Variants in SLF1 observed in about 807,000 individuals in gnomAD.
SLF1 encodes SMC5-SMC6 complex localization factor protein 1.
A neutral mutation model predicts 123.0 loss-of-function variants in SLF1; 105 were observed. That is an observed-to-expected ratio of 0.85 (90% CI 0.73 to 1.00). SLF1 has a LOEUF of 1.00. Ranked by LOEUF, SLF1 falls within the 50% of genes least tolerant of loss-of-function variation. SLF1 has a pLI of 0.00. For missense variants in SLF1, 1,239 were observed against 1,223.0 expected (o/e 1.01, Z -0.20); for synonymous variants, 434 against 406.6 (o/e 1.07, Z -0.81).
chr5:94,680,729 C>G (rs1436723806), intron 15 of SLF1, among the ~76,000 whole-genome samples: 1 of 152,166 alleles, frequency 6.6e-6, no homozygotes, highest in African/African-American at 2.4e-5. Context: ...GATTCTACTA[C>G]CTGTTATACA....
At position 94,662,316 on chromosome 5, in the gene SLF1, A is replaced by C. The variant is rs574971813; in HGVS notation, c.1174A>C (p.Ile392Leu). The part of the protein sequence containing the change: ...YRAQAVRYNC[I>L]RIDKQPVYNV... ...TTTGTAGGCTGTCAGATACAACTGC[A>C]TTAGAATAGATAAACAACCAGTGTA... Residue 392 changes from isoleucine (I) to leucine (L), a missense_variant, in exon 10 of 21, where the codon ATT becomes CTT. Ile to Leu is a conservative substitution (Grantham distance 5, BLOSUM62 2). Transcript: ENST00000265140. 21 of 1,549,916 alleles carry C rather than the reference A, an allele frequency of 1.4e-5. No homozygotes were observed. The highest frequency in any genetic ancestry group is 1.8e-5 in the Non-Finnish European group (21 of 1,146,034).
At chr5:94,644,906 G>T (rs1343422338) in intron 5 of SLF1, among the ~76,000 whole-genome samples, 1 of 152,160 alleles carries the variant, frequency 6.6e-6, no homozygotes, top group Admixed American at 6.6e-5. Context: ...TGGCACATGG[G>T]TTCTCAATCA....
chr5:94,680,300 A>G (rs992183400), intron 15 of SLF1, among the ~76,000 whole-genome samples: 2 of 151,868 alleles, frequency 1.3e-5, no homozygotes, highest in Non-Finnish European at 2.9e-5. Flanking sequence ...TATCTCTTTT[A>G]TTTTTTTCTT....
chr5:94,659,426 T>TA (rs763885166), intron 9 of SLF1, among the ~76,000 whole-genome samples: 5 of 152,252 alleles, frequency 3.3e-5, no homozygotes, highest in Non-Finnish European at 5.9e-5. Context: ...CTTGCATAGT[T>TA]ATGTTGCTAT....
intron 1 of SLF1, among the ~76,000 whole-genome samples, chr5:94,623,003 A>G (rs1252157435): frequency 1.3e-5 from 2 of 152,040 alleles, no homozygotes. Flanking sequence ...TTTTGTATTC[A>G]TATCTGTATT....
At chr5:94,629,983 GA>G (rs376304516) in intron 3 of SLF1, among the ~76,000 whole-genome samples, 10 of 145,178 alleles carry the variant, frequency 6.9e-5, no homozygotes, top group African/African-American at 1.0e-4. Context: ...CATCTCTTAA[GA>G]AAAAAAAAAG....
chr5:94,678,723 C>G, intron 14 of SLF1, 85 bp from the exon 15 acceptor site: 1 of 1,220,298 alleles, frequency 8.2e-7, no homozygotes, highest in Non-Finnish European at 1.1e-6. Flanking sequence ...CTATGTTTTG[C>G]CCCTCAAAAA....
At chr5:94,654,015 C>CA (rs1281052045) in intron 8 of SLF1, among the ~76,000 whole-genome samples, 1 of 151,916 alleles carries the variant, frequency 6.6e-6, no homozygotes, top group Admixed American at 6.6e-5. Context: ...ACCAAAAATA[C>CA]AAAAAATTAG....
intron 4 of SLF1, among the ~76,000 whole-genome samples, chr5:94,641,057 AG>A (rs1746384481): frequency 6.6e-6 from 1 of 152,098 alleles, no homozygotes; most frequent in South Asian, 2.1e-4. Context: ...ATATTGATAG[AG>A]GCTGATGTGA....
chr5:94,647,443 T>C (rs1340247774), intron 5 of SLF1, among the ~76,000 whole-genome samples: 1 of 152,196 alleles, frequency 6.6e-6, no homozygotes, highest in East Asian at 1.9e-4. Context: ...TAGCCAAAGA[T>C]AGGAAACTAA....
chr5:94,694,300 T>G (rs901097695), intron 20 of SLF1, among the ~76,000 whole-genome samples: 3 of 151,960 alleles, frequency 2.0e-5, no homozygotes, highest in Non-Finnish European at 2.9e-5. Flanking sequence ...ATATGTAATT[T>G]GTGTGAACCA....
At chr5:94,655,037 C>A (rs1392511303) in intron 9 of SLF1, among the ~76,000 whole-genome samples, 1 of 152,164 alleles carries the variant, frequency 6.6e-6, no homozygotes, top group Non-Finnish European at 1.5e-5. Context: ...AGTGTTTCCC[C>A]TGTGTTTTCT....
intron 4 of SLF1, among the ~76,000 whole-genome samples, chr5:94,634,035 G>T (rs1490336837): frequency 6.6e-6 from 1 of 152,036 alleles, no homozygotes; most frequent in African/African-American, 2.4e-5. Flanking sequence ...ATTAAGTTCA[G>T]AGTATTTTTA....
At chr5:94,636,980 A>G (rs981855490) in intron 4 of SLF1, among the ~76,000 whole-genome samples, 3 of 152,140 alleles carry the variant, frequency 2.0e-5, no homozygotes, top group Admixed American at 6.5e-5. Flanking sequence ...TTGGCCTCCC[A>G]AAGTGCTGAG....
intron 20 of SLF1, 141 bp downstream of exon 20, chr5:94,692,397 A>C: frequency 1.2e-6 from 1 of 853,318 alleles, no homozygotes; most frequent in Non-Finnish European, 1.7e-6. Flanking sequence ...AAGGATAAAA[A>C]GTCTCCTAAA....
At chr5:94,658,661 C>T (rs925842615) in intron 9 of SLF1, among the ~76,000 whole-genome samples, 1 of 152,116 alleles carries the variant, frequency 6.6e-6, no homozygotes, top group Admixed American at 6.5e-5. Context: ...AGAATTGAAT[C>T]TATTTGGAAA....
intron 20 of SLF1, 28 bp downstream of exon 20, chr5:94,692,284 T>C: frequency 3.1e-6 from 5 of 1,594,654 alleles, no homozygotes; most frequent in Non-Finnish European, 4.3e-6. Context: ...AAATGGGTTT[T>C]GATAAATTAT....
chr5:94,664,356 G>T (rs938935162), intron 11 of SLF1, among the ~76,000 whole-genome samples: 2 of 152,178 alleles, frequency 1.3e-5, no homozygotes, highest in Non-Finnish European at 2.9e-5. Context: ...CTGCAGTGGT[G>T]TGATCATGGC....
chr5:94,663,616 G>A (rs1749392905), intron 10 of SLF1, 134 bp from the exon 11 acceptor site: 7 of 808,594 alleles, frequency 8.7e-6, no homozygotes, highest in African/African-American at 5.3e-5. Flanking sequence ...CTGCATTCCA[G>A]CCTGGGTAAC....
Sources: gnomAD v4.1 joint callset for allele counts (sites outside exome capture counted in the v4.1 genomes callset) on GRCh38, gnomAD v4.1.1 for gene constraint, MANE v1.5 for transcripts, NCBI Gene and HGNC (gene_info 2026-07-23, HGNC 2026-07-21) for gene names.